The following ALDH1A1 variants were observed in gnomAD, a reference collection of about 807,000 sequenced individuals.
ALDH1A1 encodes aldehyde dehydrogenase 1 family member A1, also known as aldehyde dehydrogenase 1A1.
A neutral mutation model predicts 62.1 loss-of-function variants in ALDH1A1; 19 were observed. That is an observed-to-expected ratio of 0.31 (90% CI 0.21 to 0.45). The LOEUF is 0.45. ALDH1A1 is among the 20% of genes least tolerant of loss of function. ALDH1A1 has a pLI of 1.00. For missense variants in ALDH1A1, 521 were observed against 607.1 expected, an observed-to-expected ratio of 0.86 and a Z score of 1.49; for synonymous variants, 231 against 215.9, an observed-to-expected ratio of 1.07 and a Z score of -0.61.
In ALDH1A1 at chr9:72,916,948, A is replaced by G; in HGVS notation, c.1007T>C (p.Leu336Pro). ...AGGGCCTTGAGTGACTCCTGGGGTC[A>G]GAGGATTTCCAAGGATATACTTCTT... is the stretch of plus-strand genomic sequence containing the variant. Reference protein sequence around the residue: ...RAKKYILGNPLTPGVTQGPQI... With the variant: ...RAKKYILGNPPTPGVTQGPQI... Residue 336 changes from leucine (L) to proline (P), a missense_variant, in exon 9 of 13, where the codon CTG (leucine) becomes CCG (proline). Leu to Pro is a moderately conservative substitution (Grantham distance 98). Coordinates refer to ENST00000297785, the MANE Select transcript of ALDH1A1 (RefSeq NM_000689.5). The G allele has an allele frequency of 6.2e-7, 1 of 1,612,672 alleles. No individual in the cohort carries two copies. Among genetic ancestry groups the G allele is most frequent in the South Asian group, 1.1e-5 (1 of 90,882 alleles).
chr9:72,924,068 A>G lies in ALDH1A1; in HGVS notation c.698T>C (p.Ile233Thr), dbSNP rs1830175003. ...TTTGTCTATATCCATGTGAGAAGAAATGGCTGCCCCTGCTGTAGGCCCATA... is the reference window on the plus strand; with the variant it reads ...TTTGTCTATATCCATGTGAGAAGAAGTGGCTGCCCCTGCTGTAGGCCCATA... ...PGYGPTAGAA[I>T]SSHMDIDKVA... The change falls in exon 7 of 13, where the codon ATT becomes ACT. Residue 233 changes from isoleucine (I) to threonine (T), a missense_variant. Transcript: ENST00000297785. The G allele has an allele frequency of 4.3e-6, 7 of 1,613,374 alleles. No individual in the cohort carries two copies. The highest frequency in any genetic ancestry group is 5.9e-6 in the Non-Finnish European group (7 of 1,179,582).
At chr9:72,947,052 C>G (rs924934626) in intron 1 of ALDH1A1, among the ~76,000 whole-genome samples, 2 of 151,980 alleles carry the variant, frequency 1.3e-5, no homozygotes, top group Non-Finnish European at 2.9e-5. Flanking sequence ...ACAATACCCT[C>G]TCTTAGGACA....
At chr9:72,924,251 T>A in intron 6 of ALDH1A1, 119 bp from the exon 7 acceptor site, 1 of 627,158 alleles carries the variant, frequency 1.6e-6, no homozygotes, top group East Asian at 2.9e-5. Flanking sequence ...AAAAAATAAT[T>A]CACCCAACTG....
intron 9 of ALDH1A1, among the ~76,000 whole-genome samples, chr9:72,915,433 A>T (rs1830049736): frequency 6.7e-6 from 1 of 149,270 alleles, no homozygotes; most frequent in Non-Finnish European, 1.5e-5. Flanking sequence ...CTTCACTTTT[A>T]GTTAGATAGA....
rs8187943 is a variant in ALDH1A1 at position 72,922,509 on chromosome 9, G to C, written c.747+1510C>G. Among the ~76,000 whole-genome samples, 590 of 152,212 alleles carry C rather than the reference G, an allele frequency of 3.9e-3. 5 individuals are homozygous for C. The highest frequency in any genetic ancestry group is 0.014 in the African/African-American group (561 of 41,516). On this transcript the variant is annotated intron_variant, in intron 7 of 12. Transcript: ENST00000297785. ...GGAGTAGGCATAGGATCTAGACCAG[G>C]GTTGTTCAATCTTTTGGCTTCCCTG...
intron 2 of ALDH1A1, among the ~76,000 whole-genome samples, chr9:72,936,543 A>G (rs1171440446): frequency 6.6e-6 from 1 of 152,104 alleles, no homozygotes; most frequent in Non-Finnish European, 1.5e-5. Flanking sequence ...AGAGCCACTC[A>G]AGCAACTAGA....
chr9:72,921,663 A>G (rs375134767), intron 7 of ALDH1A1, among the ~76,000 whole-genome samples: 4 of 137,870 alleles, frequency 2.9e-5, no homozygotes, highest in African/African-American at 7.8e-5. Flanking sequence ...TCCCAATGCT[A>G]TCCCTCCCCC....
At chr9:72,946,612 A>G (rs1040360395) in intron 1 of ALDH1A1, among the ~76,000 whole-genome samples, 1 of 152,014 alleles carries the variant, frequency 6.6e-6, no homozygotes, top group African/African-American at 2.4e-5. Context: ...GATTCTAAGT[A>G]AGGGTTTGTG....
chr9:72,926,234 A>C (rs1830206252), intron 5 of ALDH1A1, among the ~76,000 whole-genome samples: 1 of 152,218 alleles, frequency 6.6e-6, no homozygotes, highest in Non-Finnish European at 1.5e-5. Flanking sequence ...CCAGGGGCTC[A>C]ACACAATGAC....
chr9:72,951,887 A>C (rs1454894512), intron 1 of ALDH1A1, among the ~76,000 whole-genome samples: 1 of 151,998 alleles, frequency 6.6e-6, no homozygotes, highest in Non-Finnish European at 1.5e-5. Context: ...GAAAAGAGCC[A>C]ATCAGCTGAG....
At chr9:72,926,727 A>T (rs560062604) in intron 5 of ALDH1A1, among the ~76,000 whole-genome samples, 177 of 152,362 alleles carry the variant, frequency 1.2e-3, no homozygotes, top group African/African-American at 4.1e-3. Context: ...GCGTTGGAGA[A>T]TAGTAGGCCC....
Position 72,915,256 on chromosome 9 carries a change from A to G in ALDH1A1, c.1035+1664T>C, listed in dbSNP as rs1181175131. On this transcript the variant is annotated intron_variant, in intron 9 of 12. Transcript: ENST00000297785. ...TTTTAACTTCCTTATCTTAAAATCA[A>G]TGAGGTATTCCAGCTCAATTTTTGA... Among the ~76,000 whole-genome samples, 7 of 152,188 alleles carry G rather than the reference A, an allele frequency of 4.6e-5. 1 individual carries two copies. Among genetic ancestry groups the G allele is most frequent in the Admixed American group, 2.0e-4 (3 of 15,282 alleles).
chr9:72,929,143 T>G, intron 3 of ALDH1A1, 122 bp from the exon 4 acceptor site: 1 of 1,084,806 alleles, frequency 9.2e-7, no homozygotes, highest in Admixed American at 2.6e-5. Context: ...CTTGTCATCT[T>G]GTCTAACCTC....
intron 7 of ALDH1A1, among the ~76,000 whole-genome samples, chr9:72,920,066 C>A (rs928933753): frequency 6.6e-6 from 1 of 151,808 alleles, no homozygotes; most frequent in African/African-American, 2.4e-5. Flanking sequence ...CTTTTATTTT[C>A]TAGGTTTCTT....
chr9:72,936,862 A>T (rs971138533), intron 2 of ALDH1A1, among the ~76,000 whole-genome samples: 6 of 152,160 alleles, frequency 3.9e-5, no homozygotes, highest in African/African-American at 1.4e-4. Context: ...ACAACTTAAC[A>T]GCTTAACACT....
chr9:72,918,613 C>CTTTTTT lies in ALDH1A1; in HGVS notation c.850+101_850+106dup, dbSNP rs3079046. Reference sequence around the variant, plus strand: ...TACACTTTGATGTTAGAAGCAAATGCTTTTTTTTTTTTTTTTTTTTTTTTG... The same window carrying CTTTTTT: ...TACACTTTGATGTTAGAAGCAAATGCTTTTTTTTTTTTTTTTTTTTTTTTTTTTTTG... On this transcript the variant is annotated intron_variant, in intron 8 of 12. Transcript: ENST00000297785. 7 of 279,438 alleles carry CTTTTTT rather than the reference C, an allele frequency of 2.5e-5. 1 individual carries two copies. The highest frequency in any genetic ancestry group is 1.1e-4 in the African/African-American group (3 of 26,330). The allele number at this position is 279,438 out of a possible 1,614,324, so 17.3% of individuals were successfully genotyped here.
intron 2 of ALDH1A1, among the ~76,000 whole-genome samples, chr9:72,931,794 T>C (rs1830284972): frequency 6.6e-6 from 1 of 152,200 alleles, no homozygotes; most frequent in Non-Finnish European, 1.5e-5. Context: ...AAGAGATCCT[T>C]TTAAATCCCT....
chr9:72,949,733 A>G (rs1830518417), intron 1 of ALDH1A1, among the ~76,000 whole-genome samples: 2 of 151,516 alleles, frequency 1.3e-5, no homozygotes, highest in Non-Finnish European at 3.0e-5. Flanking sequence ...TGTAGCATGA[A>G]CAAACCATGG....
At position 72,939,030 on chromosome 9, in the gene ALDH1A1, A is replaced by T. The variant is rs1405177634; in HGVS notation, c.171+1118T>A. 2.0e-5 allele frequency among the ~76,000 whole-genome samples: 3 copies of T among 152,154 alleles called. No homozygotes were observed. The East Asian group carries it at 5.8e-4, about 29-fold the overall frequency. On this transcript the variant is annotated intron_variant, in intron 2 of 12. Coordinates refer to ENST00000297785, the MANE Select transcript of ALDH1A1 (RefSeq NM_000689.5). ...AGTGCTGGGATTACAGGTGAGAGCC[A>T]CTGCGCCCGGCCAACCCTATCTTAC...
Sources: gnomAD v4.1 joint callset for allele counts (sites outside exome capture counted in the v4.1 genomes callset) on GRCh38, gnomAD v4.1.1 for gene constraint, MANE v1.5 for transcripts, NCBI Gene and HGNC (gene_info 2026-07-23, HGNC 2026-07-21) for gene names.